The following SRBD1 variants were observed in gnomAD, a reference collection of about 807,000 sequenced individuals.
The protein encoded by SRBD1 is S1 RNA-binding domain-containing protein 1.
In SRBD1, 88 loss-of-function variants were observed where a neutral mutation model predicts 115.3. The ratio of observed to expected loss-of-function variants is 0.76; its 90% confidence interval spans 0.64 to 0.91. The LOEUF (loss-of-function observed/expected upper bound fraction) is 0.91. Among genes scored for constraint, SRBD1 ranks in the 40% least tolerant of loss-of-function variants. The pLI is 0.00. For synonymous variants in SRBD1, 509 were observed against 407.7 expected (o/e 1.25, Z -2.99); for missense variants, 1,385 against 1,177.4 (o/e 1.18, Z -2.58).
At chr2:45,504,987 C>T (rs777820872) in intron 14 of SRBD1, among the ~76,000 whole-genome samples, 1 of 152,076 alleles carries the variant, frequency 6.6e-6, no homozygotes, top group Non-Finnish European at 1.5e-5. Context: ...AAAACCTTTA[C>T]TTCTACAAAG....
chr2:45,508,398 T>C (rs187784572), intron 14 of SRBD1, among the ~76,000 whole-genome samples: 3 of 152,324 alleles, frequency 2.0e-5, no homozygotes, highest in Admixed American at 2.0e-4. Flanking sequence ...ACTTTTAAAA[T>C]TATTTTATTT....
intron 5 of SRBD1, among the ~76,000 whole-genome samples, chr2:45,582,787 G>T (rs1382449257): frequency 2.6e-5 from 4 of 152,064 alleles, no homozygotes; most frequent in African/African-American, 7.2e-5. Flanking sequence ...CCCAGCCCTG[G>T]AATCAGAAGA....
intron 14 of SRBD1, among the ~76,000 whole-genome samples, chr2:45,527,910 T>C (rs1248664003): frequency 6.6e-6 from 1 of 151,776 alleles, no homozygotes; most frequent in African/African-American, 2.4e-5. Flanking sequence ...TGAGAATACA[T>C]GGTATGAAAG....
At chr2:45,473,116 T>C (rs1035350428) in intron 16 of SRBD1, among the ~76,000 whole-genome samples, 1 of 152,066 alleles carries the variant, frequency 6.6e-6, no homozygotes, top group Non-Finnish European at 1.5e-5. Context: ...TTATTTCCTA[T>C]ACTTTCTTAT....
Position 45,413,190 on chromosome 2 carries a change from C to A in SRBD1, c.2437G>T (p.Ala813Ser), listed in dbSNP as rs767568269. 8.1e-6 allele frequency: 13 copies of A among 1,613,978 alleles called. No homozygotes were observed. Among genetic ancestry groups the A allele is most frequent in the Non-Finnish European group, 1.0e-5 (12 of 1,179,994 alleles). ...EKQGKKKSKTAVNVLLKPNPL... is the reference protein window; with the variant it reads ...EKQGKKKSKTSVNVLLKPNPL... Reference sequence around the variant, plus strand: ...TTTGGCTTCAGTAAAACATTCACTGCAGTTTTGCTCTTCTTTTTGCCCTGC... The same window carrying A: ...TTTGGCTTCAGTAAAACATTCACTGAAGTTTTGCTCTTCTTTTTGCCCTGC... Residue 813 changes from alanine (A) to serine (S), a missense_variant, in exon 19 of 21, where the codon GCA (alanine) becomes TCA (serine). Transcript: ENST00000263736.
intron 20 of SRBD1, among the ~76,000 whole-genome samples, chr2:45,391,385 T>C (rs1219907829): frequency 1.3e-5 from 2 of 152,094 alleles, no homozygotes; most frequent in Non-Finnish European, 2.9e-5. Flanking sequence ...GACAGAATTA[T>C]TATGAGTAAA....
chr2:45,481,176 T>C (rs1669951608), intron 15 of SRBD1, among the ~76,000 whole-genome samples: 1 of 152,174 alleles, frequency 6.6e-6, no homozygotes, highest in South Asian at 2.1e-4. Context: ...CTTAACACAC[T>C]ATAGTATAAA....
intron 14 of SRBD1, among the ~76,000 whole-genome samples, chr2:45,502,575 G>T (rs374045126): frequency 2.6e-5 from 4 of 151,732 alleles, no homozygotes; most frequent in Non-Finnish European, 5.9e-5. Context: ...GCAAACTATC[G>T]CAGGGACAGA....
chr2:45,402,819 A>C (rs1667326295), intron 19 of SRBD1, among the ~76,000 whole-genome samples: 1 of 152,188 alleles, frequency 6.6e-6, no homozygotes, highest in South Asian at 2.1e-4. Flanking sequence ...CATCATCTGC[A>C]GCACCAAGCA....
At chr2:45,603,139 T>G (rs1674152978) in intron 2 of SRBD1, among the ~76,000 whole-genome samples, 1 of 152,202 alleles carries the variant, frequency 6.6e-6, no homozygotes, top group East Asian at 1.9e-4. Flanking sequence ...CTCCTTAGTC[T>G]CATCACCTAT....
intron 12 of SRBD1, among the ~76,000 whole-genome samples, chr2:45,547,834 T>C (rs989814316): frequency 6.6e-6 from 1 of 152,214 alleles, no homozygotes; most frequent in South Asian, 2.1e-4. Flanking sequence ...CTACTATTAA[T>C]TGGAGAATAT....
chr2:45,505,132 T>C (rs1361198630), intron 14 of SRBD1, among the ~76,000 whole-genome samples: 1 of 152,152 alleles, frequency 6.6e-6, no homozygotes, highest in Non-Finnish European at 1.5e-5. Flanking sequence ...CATCCATCTA[T>C]GAACAAATGC....
intron 15 of SRBD1, among the ~76,000 whole-genome samples, chr2:45,479,200 C>T (rs1253852044): frequency 2.0e-5 from 3 of 152,062 alleles, no homozygotes; most frequent in Admixed American, 1.3e-4. Flanking sequence ...CGACACACAA[C>T]GGTATTGAAA....
intron 16 of SRBD1, among the ~76,000 whole-genome samples, chr2:45,444,672 A>G (rs1291849508): frequency 1.3e-5 from 2 of 152,174 alleles, no homozygotes; most frequent in Non-Finnish European, 2.9e-5. Context: ...TCACATACAT[A>G]TGTTAGTTGG....
chr2:45,586,088 T>C (rs895592143), intron 4 of SRBD1, among the ~76,000 whole-genome samples: 2 of 152,020 alleles, frequency 1.3e-5, no homozygotes, highest in African/African-American at 4.8e-5. Flanking sequence ...AAGCAAGGAG[T>C]TGGTAACTCA....
intron 7 of SRBD1, among the ~76,000 whole-genome samples, chr2:45,578,677 A>T (rs1296885700): frequency 6.6e-6 from 1 of 152,204 alleles, no homozygotes; most frequent in Non-Finnish European, 1.5e-5. Context: ...GATCCACAGA[A>T]GGACAAAAGA....
In SRBD1 at chr2:45,609,063, T is replaced by A. The variant is rs188796963; in HGVS notation, c.-1+2156A>T. Among the ~76,000 whole-genome samples the A allele has an allele frequency of 2.9e-3, 442 of 152,272 alleles. 4 individuals are homozygous for A. Among genetic ancestry groups the A allele is most frequent in the Non-Finnish European group, 4.4e-3 (300 of 68,016 alleles). On this transcript the variant is annotated intron_variant, in intron 1 of 20. Coordinates refer to ENST00000263736, the MANE Select transcript of SRBD1 (RefSeq NM_018079.5). ...CTCAGGTGATCTGCCTGCCTCGGCCTCCCAAAGTGCTGGGATTACAAGTGT... is the reference window on the plus strand; with the variant it reads ...CTCAGGTGATCTGCCTGCCTCGGCCACCCAAAGTGCTGGGATTACAAGTGT...
intron 10 of SRBD1, among the ~76,000 whole-genome samples, chr2:45,558,685 A>ATTTTTTT (rs1214807980): frequency 2.9e-4 from 26 of 89,524 alleles, no homozygotes; most frequent in East Asian, 5.9e-4. Flanking sequence ...CCACACAATT[A>ATTTTTTT]TTTTTTTTTT....
chr2:45,580,376 C>T (rs1006900507), intron 6 of SRBD1, among the ~76,000 whole-genome samples: 5 of 151,950 alleles, frequency 3.3e-5, no homozygotes, highest in Admixed American at 2.0e-4. Flanking sequence ...GATGGACTCT[C>T]GCTCTTTCGC....
Sources: allele counts gnomAD v4.1 joint callset (sites outside exome capture counted in the v4.1 genomes callset), GRCh38; gene constraint gnomAD v4.1.1; transcripts MANE v1.5; gene names NCBI Gene and HGNC (gene_info 2026-07-23, HGNC 2026-07-21).